Variants in SOX6 observed in about 807,000 individuals in gnomAD.
The protein encoded by SOX6 is SRY-box transcription factor 6, also known as transcription factor SOX-6.
In SOX6, 11 loss-of-function variants were observed where a neutral mutation model predicts 97.8. The ratio of observed to expected loss-of-function variants is 0.11; its 90% CI spans 0.07 to 0.19. SOX6 has a LOEUF of 0.19. Ranked by LOEUF, SOX6 falls within the 10% of genes least tolerant of loss-of-function variation. The probability of loss-of-function intolerance (pLI) is 1.00; values close to 1 mark genes in which losing one functional copy is unlikely to be tolerated. For missense variants in SOX6, 810 were observed against 1,039.5 expected (o/e 0.78, Z 3.04); for synonymous variants, 360 against 371.4 (o/e 0.97, Z 0.35).
chr11:16,611,416 T>C (rs1848396871), intron 4 of SOX6, among the ~76,000 whole-genome samples: 1 of 152,210 alleles, frequency 6.6e-6, no homozygotes, highest in Non-Finnish European at 1.5e-5. Context: ...TGGACAAGCA[T>C]AACTGTCAAT....
chr11:16,162,146 T>A lies in SOX6; in HGVS notation c.777+21740A>T, dbSNP rs200832202. Among the ~76,000 whole-genome samples the A allele has an allele frequency of 2.0e-5, 3 of 152,308 alleles. No homozygotes were observed. In the East Asian group the frequency reaches 5.8e-4, roughly 29 times the overall value. On this transcript the variant is annotated intron_variant, in intron 6 of 15. Transcript: ENST00000683767. Reference sequence around the variant, plus strand: ...CTAGAAATCTGTGGAAATTTCCAAATTTTTACCCAGACATTCTTGCTTATA... The same window carrying A: ...CTAGAAATCTGTGGAAATTTCCAAAATTTTACCCAGACATTCTTGCTTATA...
intron 13 of SOX6, among the ~76,000 whole-genome samples, chr11:16,004,633 T>C (rs182946177): frequency 1.1e-3 from 166 of 152,030 alleles, no homozygotes; most frequent in African/African-American, 3.8e-3. Context: ...GAAAAGTGCC[T>C]AATATTTCTG....
At chr11:16,239,403 G>A (rs535419852) in intron 3 of SOX6, among the ~76,000 whole-genome samples, 26 of 152,036 alleles carry the variant, frequency 1.7e-4, no homozygotes, top group African/African-American at 5.5e-4. Context: ...TGCTCTTCAC[G>A]CTGGGAAGCT....
chr11:16,577,767 T>C (rs1311459438), intron 4 of SOX6, among the ~76,000 whole-genome samples: 1 of 152,152 alleles, frequency 6.6e-6, no homozygotes, highest in African/African-American at 2.4e-5. Flanking sequence ...TTTTTTAAAA[T>C]TTGGGTATTT....
At chr11:16,267,373 A>C (rs1029744577) in intron 3 of SOX6, among the ~76,000 whole-genome samples, 3 of 151,606 alleles carry the variant, frequency 2.0e-5, no homozygotes, top group Admixed American at 6.6e-5. Context: ...TGATTAAGAA[A>C]TAGACAAAAG....
intron 4 of SOX6, among the ~76,000 whole-genome samples, chr11:16,199,663 C>T (rs971579950): frequency 3.3e-5 from 5 of 152,288 alleles, no homozygotes; most frequent in South Asian, 4.1e-4. Context: ...TTAAAAGGCA[C>T]ACTAATTTAT....
chr11:16,099,776 T>G (rs910522721), intron 7 of SOX6, among the ~76,000 whole-genome samples: 2 of 151,396 alleles, frequency 1.3e-5, no homozygotes, highest in Non-Finnish European at 3.0e-5. Context: ...CACCCTATAG[T>G]ACTTTCCAGC....
intron 3 of SOX6, among the ~76,000 whole-genome samples, chr11:16,298,318 C>T (rs1219374762): frequency 6.6e-6 from 1 of 152,062 alleles, no homozygotes; most frequent in Non-Finnish European, 1.5e-5. Context: ...CTATAGAATG[C>T]ATATTATTTA....
chr11:15,978,438 C>T (rs1853557092), intron 15 of SOX6, among the ~76,000 whole-genome samples: 1 of 151,824 alleles, frequency 6.6e-6, no homozygotes, highest in Non-Finnish European at 1.5e-5. Flanking sequence ...TATAGCTGAT[C>T]ATTTTCTCCT....
intron 1 of SOX6, among the ~76,000 whole-genome samples, chr11:16,437,928 T>C (rs939290852): frequency 1.3e-5 from 2 of 152,180 alleles, no homozygotes; most frequent in African/African-American, 2.4e-5. Flanking sequence ...TGTAAAAATA[T>C]AAGCATGTGT....
intron 13 of SOX6, among the ~76,000 whole-genome samples, chr11:15,994,435 TA>T (rs5789931): frequency 0.32 from 43,903 of 135,654 alleles, 7,237 homozygotes; most frequent in Admixed American, 0.4. Context: ...TGGGTTTATG[TA>T]AAAAAAAAAA....
chr11:16,002,783 G>T (rs563379137), intron 13 of SOX6, among the ~76,000 whole-genome samples: 1 of 152,280 alleles, frequency 6.6e-6, no homozygotes, highest in East Asian at 1.9e-4. Context: ...TTATTCAGCA[G>T]CTTTTGGCTT....
intron 1 of SOX6, among the ~76,000 whole-genome samples, chr11:16,393,996 C>A (rs1858268213): frequency 6.6e-6 from 1 of 151,936 alleles, no homozygotes; most frequent in South Asian, 2.1e-4. Context: ...GGTTTCAGTC[C>A]TGGCTTTTTT....
In SOX6 at chr11:16,343,670, A is replaced by C. The variant is rs189027814; in HGVS notation, c.-4-2418T>G. ...TATTTCCTGCAATTACATTAAATAG[A>C]AAATTATCTTCAAATGGGGAGTGTT... On this transcript the variant is annotated intron_variant, in intron 1 of 15. Coordinates refer to ENST00000683767, the MANE Select transcript of SOX6 (RefSeq NM_001367873.1). Among the ~76,000 whole-genome samples, 16 of 152,024 alleles carry C rather than the reference A, an allele frequency of 1.1e-4. No homozygotes were observed. In the East Asian group the frequency reaches 3.1e-3, roughly 29 times the overall value.
intron 3 of SOX6, among the ~76,000 whole-genome samples, chr11:16,241,888 C>T (rs892514050): frequency 2.6e-5 from 4 of 151,988 alleles, no homozygotes; most frequent in African/African-American, 4.8e-5. Flanking sequence ...AAATCTTTAC[C>T]TCATGTTAGC....
intron 6 of SOX6, among the ~76,000 whole-genome samples, chr11:16,132,330 G>GAAAAAA (rs1849779295): frequency 8.8e-5 from 6 of 68,494 alleles, no homozygotes; most frequent in East Asian, 3.8e-4. Flanking sequence ...AAGGAAGGAA[G>GAAAAAA]GAAAGAAAAA....
upstream of SOX6, among the ~76,000 whole-genome samples, chr11:16,477,508 CTT>C (rs1278781496): frequency 2.6e-5 from 4 of 152,148 alleles, no homozygotes; most frequent in South Asian, 4.1e-4. Context: ...CTAAAATATG[CTT>C]TTACCTAAAT....
At chr11:16,404,779 C>T (rs956002479) in intron 1 of SOX6, among the ~76,000 whole-genome samples, 2 of 151,886 alleles carry the variant, frequency 1.3e-5, no homozygotes, top group African/African-American at 4.8e-5. Flanking sequence ...TGGTAAATCC[C>T]GTTATTTTAA....
chr11:16,625,278 A>T (rs1848608105), intron 3 of SOX6, among the ~76,000 whole-genome samples: 1 of 151,912 alleles, frequency 6.6e-6, no homozygotes, highest in African/African-American at 2.4e-5. Flanking sequence ...TATCTTTCAC[A>T]TAAAAGACTT....
Sources: gnomAD v4.1 joint callset for allele counts (sites outside exome capture counted in the v4.1 genomes callset) on GRCh38, gnomAD v4.1.1 for gene constraint, MANE v1.5 for transcripts, NCBI Gene and HGNC (gene_info 2026-07-23, HGNC 2026-07-21) for gene names.